GEMIN5: variants seen among roughly 807,000 people sequenced by gnomAD.
GEMIN5 encodes gem nuclear organelle associated protein 5.
GEMIN5 carries 124 observed loss-of-function variants against 176.9 expected under a neutral mutation model. The ratio of observed to expected loss-of-function variants is 0.70; its 90% CI spans 0.61 to 0.81. The LOEUF is 0.81. Ranked by LOEUF, GEMIN5 falls within the 40% of genes least tolerant of loss-of-function variation. The pLI, the probability that GEMIN5 is intolerant of heterozygous loss-of-function variation, is 0.00. For synonymous variants in GEMIN5, 673 were observed against 665.2 expected (o/e 1.01, Z -0.18); for missense variants, 1,843 against 1,814.6 (o/e 1.02, Z -0.28).
In GEMIN5 at chr5:154,907,957, A is replaced by G. The variant is rs113366984; in HGVS notation, c.2168-139T>C. The G allele has an allele frequency of 3.0e-4, 192 of 645,172 alleles. 5 individuals carry two copies. Among genetic ancestry groups the G allele is most frequent in the African/African-American group, 2.9e-3 (158 of 54,720 alleles). 40.0% of individuals were successfully genotyped at this position (645,172 alleles called of 1,614,324 possible). A position where few individuals can be genotyped will look rare whatever the true frequency, so the allele number is the denominator to read the frequency against. On this transcript the variant is annotated intron_variant, in intron 15 of 27. Coordinates refer to ENST00000285873, the MANE Select transcript of GEMIN5 (RefSeq NM_015465.5). The stretch of plus-strand genomic sequence containing the variant: ...TTCTTCTCAATGAACTTTTAGAATT[A>G]TATTATCACAATATTAACCAAACCC...
chr5:154,896,709 C>CAAA (rs1369556563), intron 23 of GEMIN5, among the ~76,000 whole-genome samples: 2 of 152,284 alleles, frequency 1.3e-5, no homozygotes, highest in East Asian at 3.9e-4. Context: ...TCTCCCTGAC[C>CAAA]AAACTTTGGA....
At position 154,888,269 on chromosome 5, in the gene GEMIN5, G is replaced by T; in HGVS notation, c.4468C>A (p.Leu1490Ile). The change falls in exon 28 of 28, where the codon CTT becomes ATT. Residue 1490 changes from leucine to isoleucine, a missense_variant. Leu to Ile is a conservative substitution (Grantham distance 5). Coordinates refer to ENST00000285873, the MANE Select transcript of GEMIN5 (RefSeq NM_015465.5). ...QEMQQQAQEL[L>I]QKYGNTKTYR... ...GTTTTCGTGTTGCCGTATTTCTGAA[G>T]GAGCTCTTGGGCCTGCTGCTGCATT... 1 of 1,614,190 alleles carries T rather than the reference G, an allele frequency of 6.2e-7. No homozygotes were observed. Among genetic ancestry groups the T allele is most frequent in the Non-Finnish European group, 8.5e-7 (1 of 1,180,032 alleles).
At chr5:154,911,211 T>C (rs1212157459) in intron 15 of GEMIN5, among the ~76,000 whole-genome samples, 1 of 152,072 alleles carries the variant, frequency 6.6e-6, no homozygotes, top group Admixed American at 6.5e-5. Flanking sequence ...GTGGAGAATG[T>C]CATTTAGAAA....
At chr5:154,914,459 T>C (rs1292973379) in intron 13 of GEMIN5, among the ~76,000 whole-genome samples, 3 of 151,540 alleles carry the variant, frequency 2.0e-5, no homozygotes, top group Admixed American at 1.3e-4. Flanking sequence ...AAGAACATCA[T>C]TGGATCAACT....
chr5:154,934,418 T>C (rs1013618473), intron 3 of GEMIN5, among the ~76,000 whole-genome samples: 2 of 152,084 alleles, frequency 1.3e-5, no homozygotes, highest in Admixed American at 1.3e-4. Context: ...CACAGGTGAT[T>C]TGCCCACCTC....
At position 154,935,966 on chromosome 5, in the gene GEMIN5, C is replaced by T. The variant is rs751164680; in HGVS notation, c.384G>A (p.Gly128=). The change falls in exon 3 of 28, where the codon GGG becomes GGA. Residue 128 remains glycine (G), a synonymous_variant. Transcript: ENST00000285873. ...AACAGAAAACTACTCCTTTTTCATC[C>T]CCAGATACTATTAAGTCCTTTACTC... ...SPRVKDLIVS[G]DEKGVVFCYW... 6.2e-7 allele frequency: 1 copy of T among 1,611,754 alleles called. No homozygotes were observed.
chr5:154,904,817 C>G (rs1461451719), intron 17 of GEMIN5, among the ~76,000 whole-genome samples, 188 bp from the exon 18 acceptor site: 1 of 152,212 alleles, frequency 6.6e-6, no homozygotes, highest in East Asian at 1.9e-4. Flanking sequence ...CAAAAACGCT[C>G]TTGCTAACAT....
chr5:154,927,353 C>T, intron 7 of GEMIN5, 32 bp downstream of exon 7: 1 of 1,481,358 alleles, frequency 6.8e-7, no homozygotes, highest in Non-Finnish European at 9.4e-7. Context: ...AACTGCTGCT[C>T]TACAATGCTG....
At chr5:154,915,444 A>G (rs1194451840) in intron 13 of GEMIN5, among the ~76,000 whole-genome samples, 1 of 152,142 alleles carries the variant, frequency 6.6e-6, no homozygotes, top group Non-Finnish European at 1.5e-5. Context: ...ACCACCTACT[A>G]TGGTTTTCCA....
Position 154,911,852 on chromosome 5 carries a change from T to A in GEMIN5, c.2042A>T (p.His681Leu). The change falls in exon 15 of 28, where the codon CAT (histidine) becomes CTT (leucine). Residue 681 changes from histidine (H) to leucine (L), a missense_variant. By Grantham distance (99) the His-to-Leu change is moderately conservative. Coordinates refer to ENST00000285873, the MANE Select transcript of GEMIN5 (RefSeq NM_015465.5). ...REEPLCNFRG[H>L]RGRLLCVAWS... ...TGCCACACAAAGCAGTCGACCTCGA[T>A]GTCCTCGGAAATTGCACAGGGGCTC... The A allele has an allele frequency of 6.2e-7, 1 of 1,614,144 alleles. No individual in the cohort carries two copies. Among genetic ancestry groups the A allele is most frequent in the Admixed American group, 1.7e-5 (1 of 60,022 alleles).
At chr5:154,937,810 G>A (rs747052246) in intron 1 of GEMIN5, among the ~76,000 whole-genome samples, 158 bp downstream of exon 1, 48 of 152,336 alleles carry the variant, frequency 3.2e-4, no homozygotes, top group South Asian at 6.2e-4. Flanking sequence ...CTCATTAGGA[G>A]ACCAGAAGCA....
rs1421578191 is a variant in GEMIN5, at chr5:154,892,516, C to T, written c.3631G>A (p.Ala1211Thr). 2 of 1,614,016 alleles carry T rather than the reference C, an allele frequency of 1.2e-6. No individual in the cohort carries two copies. The highest frequency in any genetic ancestry group is 1.3e-5 in the African/African-American group (1 of 74,936). The change falls in exon 25 of 28, where the codon GCA becomes ACA. Residue 1211 changes from alanine (A) to threonine (T), a missense_variant. By Grantham distance (58) the Ala-to-Thr change is moderately conservative. Coordinates refer to ENST00000285873, the MANE Select transcript of GEMIN5 (RefSeq NM_015465.5). ...GAGGCCATCTGTTGGCTCAGCACTG[C>T]CAGGGTCAAGTCATGGCAAATGTGA... ...LLHICHDLTL[A>T]VLSQQMASWD...
At chr5:154,936,693 T>C (rs1300738518) in intron 2 of GEMIN5, among the ~76,000 whole-genome samples, 2 of 152,140 alleles carry the variant, frequency 1.3e-5, no homozygotes, top group Non-Finnish European at 2.9e-5. Flanking sequence ...AGGGTAATTG[T>C]TTTAGACCTT....
intron 24 of GEMIN5, among the ~76,000 whole-genome samples, chr5:154,895,784 A>G (rs906681620): frequency 6.6e-6 from 1 of 152,170 alleles, no homozygotes. Flanking sequence ...AGCTCTTAGG[A>G]GTCTGAGGCG....
At chr5:154,925,027 T>A (rs1764001278) in intron 8 of GEMIN5, among the ~76,000 whole-genome samples, 1 of 151,880 alleles carries the variant, frequency 6.6e-6, no homozygotes, top group Non-Finnish European at 1.5e-5. Flanking sequence ...AAAAACAAAG[T>A]CAATGTCATC....
chr5:154,914,422 G>A (rs1194512436), intron 13 of GEMIN5, among the ~76,000 whole-genome samples: 3 of 150,792 alleles, frequency 2.0e-5, no homozygotes, highest in South Asian at 4.2e-4. Context: ...ATTGGAATCT[G>A]CACTGGAGAA....
intron 12 of GEMIN5, 117 bp from the exon 13 acceptor site, chr5:154,917,296 C>T (rs1007090331): frequency 4.1e-6 from 2 of 484,762 alleles, no homozygotes. Flanking sequence ...AAAGGATAAC[C>T]CTTTCTATCA....
At chr5:154,919,669 T>C (rs1178003370) in intron 11 of GEMIN5, among the ~76,000 whole-genome samples, 1 of 152,216 alleles carries the variant, frequency 6.6e-6, no homozygotes, top group Non-Finnish European at 1.5e-5. Flanking sequence ...CACCTGAAAG[T>C]TTATAATAAA....
At chr5:154,928,456 A>G in intron 6 of GEMIN5, 71 bp downstream of exon 6, 2 of 1,409,050 alleles carry the variant, frequency 1.4e-6, no homozygotes, top group Non-Finnish European at 2.0e-6. Flanking sequence ...TACTTTCTCC[A>G]TCCTAGGAGG....
Sources: allele counts gnomAD v4.1 joint callset (sites outside exome capture counted in the v4.1 genomes callset), GRCh38; gene constraint gnomAD v4.1.1; transcripts MANE v1.5; gene names NCBI Gene and HGNC (gene_info 2026-07-23, HGNC 2026-07-21).